The following BCAR3 variants were observed in gnomAD, a reference collection of about 807,000 sequenced individuals.
BCAR3 encodes breast cancer anti-estrogen resistance protein 3.
Under a neutral mutation model 80.1 loss-of-function variants are expected in BCAR3, and 37 were observed. The observed-to-expected ratio is 0.46, with a 90% CI of 0.36 to 0.61. The LOEUF is 0.61. Ranked by LOEUF, BCAR3 falls within the 20% of genes least tolerant of loss-of-function variation. BCAR3 has a pLI of 0.00. For missense variants in BCAR3, 978 were observed against 1,068.2 expected (o/e 0.92, Z 1.18); for synonymous variants, 389 against 418.9 (o/e 0.93, Z 0.87).
chr1:93,579,683 T>C (rs1435859648), intron 7 of BCAR3, among the ~76,000 whole-genome samples: 1 of 151,884 alleles, frequency 6.6e-6, no homozygotes, highest in Admixed American at 6.6e-5. Context: ...TAGAGGATCA[T>C]TAAGCCCTGC....
chr1:93,766,365 T>C, intron 2 of BCAR3, among the ~76,000 whole-genome samples: 1 of 152,224 alleles, frequency 6.6e-6, no homozygotes, highest in Non-Finnish European at 1.5e-5. Flanking sequence ...TGGGGTAAAG[T>C]GTTGGAGGAC....
upstream of BCAR3, chr1:93,847,687 T>C (rs1256322048): frequency 6.6e-6 from 1 of 152,158 alleles, no homozygotes; most frequent in Non-Finnish European, 1.5e-5. Context: ...CCCTACAATT[T>C]ATTTTCTGCC....
At chr1:93,647,886 A>ACT (rs1676193932) in intron 2 of BCAR3, among the ~76,000 whole-genome samples, 1 of 151,612 alleles carries the variant, frequency 6.6e-6, no homozygotes, top group Admixed American at 6.6e-5. Flanking sequence ...GATTCTCCTG[A>ACT]CTTAGCCTCC....
At chr1:93,585,347 G>A (rs1269888747) in intron 5 of BCAR3, among the ~76,000 whole-genome samples, 10 of 152,366 alleles carry the variant, frequency 6.6e-5, no homozygotes, top group Non-Finnish European at 8.8e-5. Context: ...ATTTCTGGGC[G>A]TGCTGCGTGT....
At chr1:93,717,610 C>T (rs1444671465) in intron 2 of BCAR3, among the ~76,000 whole-genome samples, 1 of 151,470 alleles carries the variant, frequency 6.6e-6, no homozygotes, top group Non-Finnish European at 1.5e-5. Context: ...TGCCTGTAAT[C>T]TCAGCTACTC....
At chr1:93,702,141 A>G (rs1286022003) in intron 3 of BCAR3, among the ~76,000 whole-genome samples, 1 of 151,944 alleles carries the variant, frequency 6.6e-6, no homozygotes, top group Non-Finnish European at 1.5e-5. Flanking sequence ...CAGCATACCT[A>G]CCCCTGCACA....
chr1:93,671,677 C>T (rs1256278666), intron 2 of BCAR3, among the ~76,000 whole-genome samples: 2 of 152,174 alleles, frequency 1.3e-5, no homozygotes, highest in African/African-American at 4.8e-5. Flanking sequence ...TTTGCTGTGG[C>T]ACCTTTGGCA....
Position 93,645,638 on chromosome 1 carries a change from T to TTGTGTGTGTG in BCAR3, c.318-3305_318-3296dup, listed in dbSNP as rs71588504. Among the ~76,000 whole-genome samples the TTGTGTGTGTG allele has an allele frequency of 3.2e-4, 48 of 149,750 alleles. 1 individual carries two copies. In the South Asian group the frequency reaches 7.2e-3, roughly 23 times the overall value. ...GTACTAAAGTAAAGCTACAGGATCTTTGTGTGTGTGTGTGTGTGTATATAT... is the reference window on the plus strand; with the variant it reads ...GTACTAAAGTAAAGCTACAGGATCTTTGTGTGTGTGTGTGTGTGTGTGTGTGTGTATATAT... On this transcript the variant is annotated intron_variant, in intron 2 of 11. Transcript: ENST00000260502.
chr1:93,587,687 A>G (rs1264833991), intron 5 of BCAR3, among the ~76,000 whole-genome samples: 2 of 146,816 alleles, frequency 1.4e-5, no homozygotes, highest in African/African-American at 5.4e-5. Context: ...ACATTTCCTC[A>G]TGGACCCCCC....
In BCAR3 at chr1:93,589,047, TGG is replaced by T; in HGVS notation, c.857_858del (p.Ala286GlufsTer31). The T allele has an allele frequency of 6.2e-7, 1 of 1,610,954 alleles. No homozygotes were observed. The highest frequency in any genetic ancestry group is 8.5e-7 in the Non-Finnish European group (1 of 1,178,018). On this transcript the variant is annotated frameshift_variant, in exon 5 of 12. Coordinates refer to ENST00000260502, the MANE Select transcript of BCAR3 (RefSeq NM_003567.4). LOFTEE classifies it high-confidence loss of function. ...CCACCCATGGTGAGGCTCAGCCTCT[TGG>T]CCACATCCGGCCTTCCCTTGGTGAG... ...GSLTKGRPDVAKRLSLTMGGV... is the reference protein window; with the variant it reads ...GSLTKGRPDVXKRLSLTMGGV...
chr1:93,824,809 C>A (rs1654324401), intron 2 of BCAR3, among the ~76,000 whole-genome samples: 1 of 134,456 alleles, frequency 7.4e-6, no homozygotes, highest in African/African-American at 2.5e-5. Flanking sequence ...TTTCTTCTGT[C>A]TCATCAAAAA....
In BCAR3 at chr1:93,823,496, G is replaced by A. The variant is rs573865653; in HGVS notation, c.-63+22071C>T. On this transcript the variant is annotated intron_variant, in intron 2 of 13. Coordinates refer to the BCAR3 transcript ENST00000370244. ...CCCTTCCACTCCTGAAGGGATTATTGACTATTTTGGAAATGAGGAGAGGAA... is the reference window on the plus strand; with the variant it reads ...CCCTTCCACTCCTGAAGGGATTATTAACTATTTTGGAAATGAGGAGAGGAA... Among the ~76,000 whole-genome samples, 34 of 132,852 alleles carry A rather than the reference G, an allele frequency of 2.6e-4. 6 individuals carry two copies. In the South Asian group the frequency reaches 9.9e-3, roughly 39 times the overall value. The allele number at this position is 132,852 out of a possible 152,430, so 87.2% of individuals were successfully genotyped here.
At chr1:93,836,355 A>G (rs540372355) in intron 2 of BCAR3, among the ~76,000 whole-genome samples, 1 of 152,302 alleles carries the variant, frequency 6.6e-6, no homozygotes, top group East Asian at 1.9e-4. Context: ...GGTCCTCCCA[A>G]TTCTTAGTCC....
At chr1:93,606,125 C>A (rs1454216876) in intron 3 of BCAR3, among the ~76,000 whole-genome samples, 1 of 152,212 alleles carries the variant, frequency 6.6e-6, no homozygotes, top group Non-Finnish European at 1.5e-5. Context: ...TTTCAATATA[C>A]AACTCACAGG....
At chr1:93,629,712 G>A (rs1246474076) in intron 3 of BCAR3, among the ~76,000 whole-genome samples, 3 of 152,212 alleles carry the variant, frequency 2.0e-5, no homozygotes, top group Non-Finnish European at 4.4e-5. Context: ...CAGGCCTCTC[G>A]TTTTGGTGTT....
intron 2 of BCAR3, among the ~76,000 whole-genome samples, chr1:93,645,918 G>A (rs568356070): frequency 6.6e-6 from 1 of 152,106 alleles, no homozygotes; most frequent in African/African-American, 2.4e-5. Flanking sequence ...CTATTTAGCT[G>A]AGAACTGCCT....
At chr1:93,614,505 T>G (rs370682333) in intron 3 of BCAR3, among the ~76,000 whole-genome samples, 15 of 151,996 alleles carry the variant, frequency 9.9e-5, no homozygotes, top group African/African-American at 3.6e-4. Flanking sequence ...AAATACTAGA[T>G]GTACTAAGTA....
At chr1:93,670,940 T>A (rs1268672030) in intron 2 of BCAR3, among the ~76,000 whole-genome samples, 1 of 152,154 alleles carries the variant, frequency 6.6e-6, no homozygotes, top group African/African-American at 2.4e-5. Context: ...CTCTGCTTTG[T>A]CTTGGGCCTC....
At chr1:93,767,383 G>A (rs753055339) in intron 2 of BCAR3, among the ~76,000 whole-genome samples, 22 of 152,056 alleles carry the variant, frequency 1.4e-4, no homozygotes, top group Non-Finnish European at 7.4e-5. Flanking sequence ...AATTAGCCAG[G>A]TATGGTGTCA....
Sources: gnomAD v4.1 joint callset for allele counts (sites outside exome capture counted in the v4.1 genomes callset) on GRCh38, gnomAD v4.1.1 for gene constraint, MANE v1.5 for transcripts, NCBI Gene and HGNC (gene_info 2026-07-23, HGNC 2026-07-21) for gene names.